The following SLC16A5 variants were observed in gnomAD, a reference collection of about 807,000 sequenced individuals.
The protein encoded by SLC16A5 is monocarboxylate transporter 6.
SLC16A5 carries 29 observed loss-of-function variants against 33.2 expected under a neutral mutation model. That is an observed-to-expected ratio of 0.87 (90% CI 0.65 to 1.19). The LOEUF (loss-of-function observed/expected upper bound fraction) is 1.19, where lower values mean the gene tolerates loss of function less well. SLC16A5 is among the 50% of genes most tolerant of loss of function. The pLI, the probability that SLC16A5 is intolerant of heterozygous loss-of-function variation, is 0.00. For missense variants in SLC16A5, 606 were observed against 678.2 expected, an observed-to-expected ratio of 0.89 and a Z score of 1.18; for synonymous variants, 248 against 284.1, an observed-to-expected ratio of 0.87 and a Z score of 1.28.
downstream of SLC16A5, among the ~76,000 whole-genome samples, chr17:75,107,999 G>C (rs2073875481): frequency 6.6e-6 from 1 of 152,184 alleles, no homozygotes; most frequent in Admixed American, 6.5e-5. Context: ...AGCTACTCGG[G>C]AGGCTGAGGC....
downstream of SLC16A5, among the ~76,000 whole-genome samples, chr17:75,109,392 G>C (rs1280810123): frequency 6.6e-6 from 1 of 151,906 alleles, no homozygotes; most frequent in Non-Finnish European, 1.5e-5. This position sits in a 1 kb window ranked among gnomAD's most constrained non-coding sequence, Gnocchi z 5.0. Context: ...GCAAAGGACT[G>C]ATGGGGGGCG....
chr17:75,093,326 G>A (rs866396630), intron 2 of SLC16A5: 3 of 1,334,376 alleles, frequency 2.2e-6, no homozygotes, highest in Middle Eastern at 2.0e-4. Context: ...CACCTGCCCT[G>A]CCCCGTCCTG....
At chr17:75,108,252 G>A (rs1165672983), downstream of SLC16A5, among the ~76,000 whole-genome samples, 1 of 152,162 alleles carries the variant, frequency 6.6e-6, no homozygotes, top group East Asian at 1.9e-4. Flanking sequence ...CATCCTCCCT[G>A]TTTCTGGGCT....
Position 75,089,178 on chromosome 17 carries a change from G to A in SLC16A5, c.-175G>A, listed in dbSNP as rs576353288. ...CAAAGAAAAGAGCACTTCCCTGCTG[G>A]GGCAGAGGCCAAGCCAGAGCCCTGG... On this transcript the variant is annotated 5_prime_UTR_variant, in exon 2 of 7. Coordinates refer to ENST00000329783, the MANE Select transcript of SLC16A5 (RefSeq NM_004695.4). 2.6e-5 allele frequency: 4 copies of A among 152,484 alleles called. No individual in the cohort carries two copies. In the East Asian group the frequency reaches 7.7e-4, roughly 29 times the overall value. The allele number at this position is 152,484 out of a possible 1,614,324, so 9.4% of individuals were successfully genotyped here. A position where few individuals can be genotyped will look rare whatever the true frequency, so the allele number is the denominator to read the frequency against.
chr17:75,097,307 G>C (rs1454563890), intron 3 of SLC16A5, among the ~76,000 whole-genome samples: 1 of 152,154 alleles, frequency 6.6e-6, no homozygotes, highest in African/African-American at 2.4e-5. Flanking sequence ...CCAAGGAGCA[G>C]TCTGCAGCTC....
intron 6 of SLC16A5, chr17:75,105,419 C>G: frequency 1.0e-6 from 1 of 985,432 alleles, no homozygotes; most frequent in Non-Finnish European, 1.2e-6. Flanking sequence ...AAGGGAAGCT[C>G]TTTTACTCCC....
rs765826715 is a variant in SLC16A5, at chr17:75,100,631, C to A, written c.968C>A (p.Ala323Glu). 1 of 1,614,062 alleles carries A rather than the reference C, an allele frequency of 6.2e-7. No homozygotes were observed. The highest frequency in any genetic ancestry group is 1.1e-5 in the South Asian group (1 of 91,086). Residue 323 changes from alanine (A) to glutamate (E), a missense_variant, in exon 5 of 7, where the codon GCG (alanine) becomes GAG (glutamate). Physicochemically the swap from Ala to Glu is moderately radical, Grantham distance 107. Transcript: ENST00000329783. ...LLNGLTNLVCAASGDFWVLVG... is the reference protein window; with the variant it reads ...LLNGLTNLVCEASGDFWVLVG... ...AATGGGCTCACTAACCTGGTGTGTG[C>A]GGCATCAGGTGACTTCTGGGTGCTC...
intron 3 of SLC16A5, among the ~76,000 whole-genome samples, chr17:75,096,473 A>T (rs1206161297): frequency 1.3e-5 from 2 of 150,822 alleles, no homozygotes; most frequent in African/African-American, 4.9e-5. Context: ...CCGGGCCACC[A>T]GCCTCTGCTT....
intron 3 of SLC16A5, among the ~76,000 whole-genome samples, chr17:75,094,218 C>G (rs1158089190): frequency 1.3e-5 from 2 of 152,248 alleles, no homozygotes; most frequent in Non-Finnish European, 2.9e-5. Context: ...CCTCTGCAAT[C>G]TGAGGGTGAT....
chr17:75,105,182 C>T (rs939009578), intron 6 of SLC16A5: 8 of 985,326 alleles, frequency 8.1e-6, no homozygotes, highest in South Asian at 4.7e-5. Flanking sequence ...GTGCAGAGAA[C>T]GGGAGGGGGG....
chr17:75,091,155 G>A (rs1471208985), intron 2 of SLC16A5, among the ~76,000 whole-genome samples: 1 of 152,160 alleles, frequency 6.6e-6, no homozygotes, highest in Non-Finnish European at 1.5e-5. Flanking sequence ...AGCCAGGAAG[G>A]CTGTGGCCTT....
intron 5 of SLC16A5, among the ~76,000 whole-genome samples, chr17:75,102,046 T>C (rs2073806851): frequency 6.6e-6 from 1 of 152,156 alleles, no homozygotes; most frequent in Non-Finnish European, 1.5e-5. Context: ...CCTGTAATGA[T>C]CATCCCAGTT....
intron 2 of SLC16A5, among the ~76,000 whole-genome samples, chr17:75,092,995 C>T (rs539512907): frequency 2.5e-4 from 38 of 152,078 alleles, no homozygotes; most frequent in Admixed American, 6.6e-4. Context: ...ATGCTTTCTC[C>T]AAAGCTGCTG....
chr17:75,088,249 G>T (rs11654531), intron 1 of SLC16A5, among the ~76,000 whole-genome samples: 38,472 of 152,116 alleles, frequency 0.25, 6,008 homozygotes, highest in Non-Finnish European at 0.34. Flanking sequence ...GCCCAAGGGC[G>T]CTCGGACTCC....
At chr17:75,105,595 C>T (rs1028144133) in intron 6 of SLC16A5, 12 of 985,370 alleles carry the variant, frequency 1.2e-5, no homozygotes, top group Middle Eastern at 5.2e-4. Context: ...CCTGAAGTCA[C>T]CACCCAGGGG....
intron 4 of SLC16A5, 23 bp from the exon 5 acceptor site, chr17:75,099,984 T>TGG: frequency 1.3e-6 from 2 of 1,593,852 alleles, no homozygotes; most frequent in Non-Finnish European, 1.7e-6. Context: ...GCCTCCAGGC[T>TGG]GGTTTCCCCT....
intron 3 of SLC16A5, among the ~76,000 whole-genome samples, chr17:75,096,841 C>CTTTTTT (rs71361652): frequency 3.1e-5 from 2 of 65,324 alleles, no homozygotes; most frequent in African/African-American, 7.7e-5. Flanking sequence ...CACTCCATCA[C>CTTTTTT]TTTTTTTTTT....
downstream of SLC16A5, chr17:75,106,216 G>C: frequency 2.3e-6 from 1 of 437,118 alleles, no homozygotes; most frequent in Non-Finnish European, 4.1e-6. Context: ...AGTCTGACTC[G>C]GTGAGCATCC....
At position 75,100,384 on chromosome 17, in the gene SLC16A5, T is replaced by TACATACTGGGTGTG. The variant is rs1210850403; in HGVS notation, c.723_736dup (p.Met246ThrfsTer5). 2 of 1,614,222 alleles carry TACATACTGGGTGTG rather than the reference T, an allele frequency of 1.2e-6. No homozygotes were observed. Among genetic ancestry groups the TACATACTGGGTGTG allele is most frequent in the East Asian group, 4.5e-5 (2 of 44,878 alleles). On this transcript the variant is annotated frameshift_variant, in exon 5 of 7. Transcript: ENST00000329783. LOFTEE classifies it high-confidence loss of function. ...GCGGCACAACACAGGCTACTGCGTG[T>TACATACTGGGTGTG]ACATACTGGGTGTGATGTGGTCCGT...
Sources: allele counts gnomAD v4.1 joint callset (sites outside exome capture counted in the v4.1 genomes callset), GRCh38; gene constraint gnomAD v4.1.1; non-coding constraint Gnocchi (gnomAD v3.1); transcripts MANE v1.5; gene names NCBI Gene and HGNC (gene_info 2026-07-23, HGNC 2026-07-21).